The following FAT1 variants were observed in gnomAD, a reference collection of about 807,000 sequenced individuals.
FAT1 encodes protocadherin Fat 1.
In FAT1, 171 loss-of-function variants were observed where a neutral mutation model predicts 329.8. The observed-to-expected ratio is 0.52, with a 90% CI of 0.46 to 0.59. FAT1 has a LOEUF of 0.59. Ranked by LOEUF, FAT1 falls within the 20% of genes least tolerant of loss-of-function variation. FAT1 has a pLI of 0.00. For synonymous variants in FAT1, 2,233 were observed against 2,228.6 expected (o/e 1.00, Z -0.06); for missense variants, 5,672 against 5,774.4 (o/e 0.98, Z 0.57).
chr4:186,618,880 A>G lies in FAT1; in HGVS notation c.7706T>C (p.Met2569Thr). 6.2e-7 allele frequency: 1 copy of G among 1,614,020 alleles called. No individual in the cohort carries two copies. Among genetic ancestry groups the G allele is most frequent in the Non-Finnish European group, 8.5e-7 (1 of 1,179,896 alleles). Reference sequence around the variant, plus strand: ...AACTTTTCCTCCAGCATCCTTAGCCATTAAACGGACTGAGATCACTTTCTC... The same window carrying G: ...AACTTTTCCTCCAGCATCCTTAGCCGTTAAACGGACTGAGATCACTTTCTC... ...PAEKVISVRLMAKDAGGKVAF... is the reference protein window; with the variant it reads ...PAEKVISVRLTAKDAGGKVAF... The change falls in exon 10 of 27, where the codon ATG becomes ACG. Residue 2569 changes from methionine to threonine, a missense_variant. By Grantham distance (81) the Met-to-Thr change is moderately conservative. Coordinates refer to ENST00000441802, the MANE Select transcript of FAT1 (RefSeq NM_005245.4).
intron 2 of FAT1, among the ~76,000 whole-genome samples, chr4:186,683,100 T>C (rs145757917): frequency 1.3e-3 from 201 of 152,290 alleles, no homozygotes; most frequent in African/African-American, 4.7e-3. Context: ...CAAGCTTGTG[T>C]TTCAGGGCTA....
chr4:186,700,571 CA>C (rs1194979899), intron 2 of FAT1, among the ~76,000 whole-genome samples: 1 of 152,188 alleles, frequency 6.6e-6, no homozygotes, highest in East Asian at 1.9e-4. Flanking sequence ...TTCAAGGCTG[CA>C]ACCTGGCCTA....
At chr4:186,610,628 ATTATATAAT>A (rs201437194) in intron 14 of FAT1, among the ~76,000 whole-genome samples, 2,949 of 117,822 alleles carry the variant, frequency 0.025, 124 homozygotes, top group African/African-American at 0.083. Flanking sequence ...ATAAATATAA[ATTATATAAT>A]TTATATAATT....
intron 3 of FAT1, among the ~76,000 whole-genome samples, chr4:186,654,312 T>C (rs911008794): frequency 3.3e-5 from 5 of 152,224 alleles, no homozygotes; most frequent in African/African-American, 1.2e-4. Flanking sequence ...CTTGTCAATG[T>C]TCCTCTGACT....
chr4:186,692,824 T>C (rs775870241), intron 2 of FAT1, among the ~76,000 whole-genome samples: 52 of 152,120 alleles, frequency 3.4e-4, no homozygotes, highest in Non-Finnish European at 5.9e-4. Context: ...TAGCAGGAAG[T>C]GGTGCTAATG....
intron 24 of FAT1, 53 bp from the exon 25 acceptor site, chr4:186,597,224 T>C (rs185345294): frequency 5.4e-6 from 8 of 1,492,376 alleles, no homozygotes; most frequent in Non-Finnish European, 6.3e-6. Flanking sequence ...CGCCAGCGTA[T>C]GTCAGGCTCA....
chr4:186,705,106 A>ATT lies in FAT1; in HGVS notation c.3265+1455_3265+1456dup, dbSNP rs761512523. Among the ~76,000 whole-genome samples the ATT allele has an allele frequency of 1.5e-3, 179 of 120,188 alleles. 2 individuals are homozygous for ATT. The highest frequency in any genetic ancestry group is 4.8e-3 in the African/African-American group (152 of 31,552). The allele number at this position is 120,188 out of a possible 152,430, so 78.8% of individuals were successfully genotyped here. A position where few individuals can be genotyped will look rare whatever the true frequency, so the allele number is the denominator to read the frequency against. On this transcript the variant is annotated intron_variant, in intron 2 of 26. Coordinates refer to ENST00000441802, the MANE Select transcript of FAT1 (RefSeq NM_005245.4). ...ACTACAGGTGTACCACCACCCCAGC[A>ATT]TTTTTTTTTTTTTTTTTTTGGTAGG...
At chr4:186,690,733 C>A (rs2126658910) in intron 2 of FAT1, among the ~76,000 whole-genome samples, 1 of 151,986 alleles carries the variant, frequency 6.6e-6, no homozygotes, top group Admixed American at 6.6e-5. Flanking sequence ...TTTAAAGTCA[C>A]AAATATCTTT....
At chr4:186,712,482 G>A (rs1237358144) in intron 1 of FAT1, among the ~76,000 whole-genome samples, 2 of 152,102 alleles carry the variant, frequency 1.3e-5, no homozygotes, top group Non-Finnish European at 2.9e-5. Flanking sequence ...AGTTCTAGAC[G>A]CTGGGGATTC....
intron 2 of FAT1, among the ~76,000 whole-genome samples, chr4:186,686,240 C>CA (rs939070815): frequency 1.7e-4 from 24 of 143,414 alleles, no homozygotes; most frequent in South Asian, 2.4e-4. Context: ...GAATTTTCAC[C>CA]CCCCCCCGAC....
intron 3 of FAT1, among the ~76,000 whole-genome samples, chr4:186,658,417 T>A (rs1166003989): frequency 6.6e-6 from 1 of 152,176 alleles, no homozygotes; most frequent in Non-Finnish European, 1.5e-5. Context: ...AGCTTTCTTG[T>A]TGTGACTTTT....
At chr4:186,629,221 T>C (rs1274059946) in intron 7 of FAT1, among the ~76,000 whole-genome samples, 1 of 152,196 alleles carries the variant, frequency 6.6e-6, no homozygotes, top group East Asian at 1.9e-4. Context: ...TTCTCATCTT[T>C]GACATCCCAA....
intron 2 of FAT1, among the ~76,000 whole-genome samples, chr4:186,679,237 C>T (rs376374341): frequency 1.3e-5 from 2 of 151,740 alleles, no homozygotes; most frequent in African/African-American, 2.4e-5. Context: ...AACACTAACA[C>T]TAAACAAATA....
chr4:186,666,126 GTA>G (rs1233917367), intron 2 of FAT1, among the ~76,000 whole-genome samples: 1 of 151,446 alleles, frequency 6.6e-6, no homozygotes, highest in African/African-American at 2.4e-5. Context: ...CATGGCACAT[GTA>G]TACATATGTA....
intron 26 of FAT1, among the ~76,000 whole-genome samples, chr4:186,594,246 T>C (rs1738385373): frequency 6.6e-6 from 1 of 151,900 alleles, no homozygotes; most frequent in African/African-American, 2.4e-5. Context: ...TTTTTATATT[T>C]TTAGTAGAGA....
Position 186,708,297 on chromosome 4 carries a change from C to T in FAT1, c.1531G>A (p.Ala511Thr), listed in dbSNP as rs2126695377. The T allele has an allele frequency of 6.2e-7, 1 of 1,614,008 alleles. No homozygotes were observed. The highest frequency in any genetic ancestry group is 8.5e-7 in the Non-Finnish European group (1 of 1,179,902). ...ACGGCACCAGTGAAATGGTCAATCG[C>T]AAACGGCACATGATTTAAATTTGCG... Reference protein sequence around the residue: ...SIANLNHVPFAIDHFTGAVST... With the variant: ...SIANLNHVPFTIDHFTGAVST... Residue 511 changes from alanine to threonine, a missense_variant, in exon 2 of 27, where the codon GCG becomes ACG. Ala to Thr is a moderately conservative substitution (Grantham distance 58). Coordinates refer to ENST00000441802, the MANE Select transcript of FAT1 (RefSeq NM_005245.4).
Position 186,596,660 on chromosome 4 carries a change from C to T in FAT1, c.12880G>A (p.Gly4294Arg), listed in dbSNP as rs1398133234. The change falls in exon 25 of 27, where the codon GGG becomes AGG. Residue 4294 changes from glycine to arginine, a missense_variant. Gly to Arg is a moderately radical substitution (Grantham distance 125, BLOSUM62 -2). Coordinates refer to ENST00000441802, the MANE Select transcript of FAT1 (RefSeq NM_005245.4). The surrounding 1 kb of genome is among the most constrained non-coding windows in gnomAD (Gnocchi z 4.7). ...FSTFNPESVHGHRKAVAVCSV... is the reference protein window; with the variant it reads ...FSTFNPESVHRHRKAVAVCSV... ...CAGACCGCCACTGCTTTTCGGTGCCCGTGCACAGACTCGGGGTTAAAAGTG... is the reference window on the plus strand; with the variant it reads ...CAGACCGCCACTGCTTTTCGGTGCCTGTGCACAGACTCGGGGTTAAAAGTG... 9 of 1,611,634 alleles carry T rather than the reference C, an allele frequency of 5.6e-6. No individual in the cohort carries two copies. In the African/African-American group the frequency reaches 8.0e-5, roughly 14 times the overall value.
intron 2 of FAT1, among the ~76,000 whole-genome samples, chr4:186,705,942 G>A (rs13123872): frequency 0.44 from 66,186 of 152,072 alleles, 16,854 homozygotes; most frequent in Non-Finnish European, 0.58. Context: ...GTTCTAAGAA[G>A]TCATTTGCTT....
chr4:186,683,917 T>C (rs893364712), intron 2 of FAT1, among the ~76,000 whole-genome samples: 11 of 151,990 alleles, frequency 7.2e-5, no homozygotes, highest in Admixed American at 2.0e-4. Flanking sequence ...TCACAAAACA[T>C]TGCATGTAAT....
Sources: gnomAD v4.1 joint callset for allele counts (sites outside exome capture counted in the v4.1 genomes callset) on GRCh38, gnomAD v4.1.1 for gene constraint, Gnocchi (gnomAD v3.1) non-coding constraint, MANE v1.5 for transcripts, NCBI Gene and HGNC (gene_info 2026-07-23, HGNC 2026-07-21) for gene names.